CNTN3: variants seen among roughly 807,000 people sequenced by gnomAD.
CNTN3 encodes contactin-3.
CNTN3 carries 60 observed loss-of-function variants against 119.1 expected under a neutral mutation model. The ratio of observed to expected loss-of-function variants is 0.50; its 90% CI spans 0.41 to 0.62. The LOEUF is 0.62. Ranked by LOEUF, CNTN3 falls within the 20% of genes least tolerant of loss-of-function variation. CNTN3 has a pLI of 0.00. For missense variants in CNTN3, 1,101 were observed against 1,242.4 expected (o/e 0.89, Z 1.71); for synonymous variants, 450 against 438.7 (o/e 1.03, Z -0.32).
intron 2 of CNTN3, among the ~76,000 whole-genome samples, chr3:74,500,912 C>T (rs762062371): frequency 6.6e-6 from 1 of 152,026 alleles, no homozygotes; most frequent in African/African-American, 2.4e-5. Flanking sequence ...AAGACAAATG[C>T]TGTGCCTAAG....
At chr3:74,317,968 T>G (rs1101688) in intron 13 of CNTN3, among the ~76,000 whole-genome samples, 152,270 of 152,282 alleles carry the variant, frequency 1, 76,129 homozygotes, top group Non-Finnish European at 1. Context: ...GTCACTTTCA[T>G]GTACACCAAT....
chr3:74,295,811 G>A (rs953937771), intron 18 of CNTN3, among the ~76,000 whole-genome samples: 1 of 152,004 alleles, frequency 6.6e-6, no homozygotes, highest in East Asian at 1.9e-4. Flanking sequence ...AGATTCTATG[G>A]GGTTCACAGT....
At chr3:74,367,040 A>T (rs904616562) in intron 8 of CNTN3, among the ~76,000 whole-genome samples, 10 of 151,092 alleles carry the variant, frequency 6.6e-5, no homozygotes, top group African/African-American at 2.4e-4. Flanking sequence ...TGGACTAAAA[A>T]ATCCTGAAAT....
intron 4 of CNTN3, among the ~76,000 whole-genome samples, chr3:74,463,724 C>T (rs563178250): frequency 2.2e-4 from 33 of 152,150 alleles, no homozygotes; most frequent in African/African-American, 7.2e-4. Context: ...GTTTTGTTCC[C>T]AGGTCAACGT....
intron 20 of CNTN3, among the ~76,000 whole-genome samples, chr3:74,282,614 G>T (rs1363757933): frequency 1.3e-5 from 2 of 152,134 alleles, no homozygotes; most frequent in African/African-American, 4.8e-5. Flanking sequence ...AATCAAAAAT[G>T]TTATTTTTGC....
chr3:74,277,128 G>A (rs1225651035), intron 20 of CNTN3, among the ~76,000 whole-genome samples: 1 of 152,080 alleles, frequency 6.6e-6, no homozygotes, highest in Non-Finnish European at 1.5e-5. Context: ...CAGTGAGACT[G>A]AAATGGTAAT....
chr3:74,399,422 G>C (rs1705135209), intron 5 of CNTN3, among the ~76,000 whole-genome samples: 1 of 152,112 alleles, frequency 6.6e-6, no homozygotes. Context: ...GTGCTAGTTT[G>C]CTAAGGATAA....
chr3:74,518,396 A>C lies in CNTN3; in HGVS notation c.55+2662T>G, dbSNP rs1349063513. 3.3e-5 allele frequency among the ~76,000 whole-genome samples: 5 copies of C among 151,978 alleles called. No individual in the cohort carries two copies. In the East Asian group the frequency reaches 9.7e-4, roughly 29 times the overall value. ...TTTCTGTAAAAACATGGAGGATGTC[A>C]AGATTTATATGCAGGGATCAGTGAC... On this transcript the variant is annotated intron_variant, in intron 2 of 22. Coordinates refer to ENST00000263665, the MANE Select transcript of CNTN3 (RefSeq NM_020872.3).
intron 3 of CNTN3, among the ~76,000 whole-genome samples, chr3:74,490,975 T>C (rs936622428): frequency 6.6e-6 from 1 of 152,202 alleles, no homozygotes; most frequent in African/African-American, 2.4e-5. Context: ...ATAAAATTTC[T>C]CAATATCTTA....
chr3:74,594,690 C>T lies in CNTN3; in HGVS notation c.-81+19701G>A, dbSNP rs1704767936. On this transcript the variant is annotated intron_variant, in intron 1 of 22. Transcript: ENST00000263665. ...ATGTGCCACATTTTCTTAATCCAGTCTATCATTGTTGGACATTTGGGTTGG... is the reference window on the plus strand; with the variant it reads ...ATGTGCCACATTTTCTTAATCCAGTTTATCATTGTTGGACATTTGGGTTGG... Among the ~76,000 whole-genome samples, 12 of 152,178 alleles carry T rather than the reference C, an allele frequency of 7.9e-5. No individual in the cohort carries two copies. The South Asian group carries it at 2.1e-3, about 26-fold the overall frequency.
intron 20 of CNTN3, among the ~76,000 whole-genome samples, chr3:74,274,781 G>A (rs1315948628): frequency 6.6e-6 from 1 of 152,002 alleles, no homozygotes; most frequent in Non-Finnish European, 1.5e-5. Context: ...TAGCTCACCA[G>A]CAATGGATCC....
intron 11 of CNTN3, among the ~76,000 whole-genome samples, chr3:74,338,500 G>C (rs1361730356): frequency 2.0e-5 from 3 of 151,016 alleles, no homozygotes; most frequent in East Asian, 2.0e-4. Context: ...ACGTGCGTGT[G>C]TGTGTGTATA....
At chr3:74,412,447 C>A (rs1333325452) in intron 5 of CNTN3, among the ~76,000 whole-genome samples, 1 of 152,186 alleles carries the variant, frequency 6.6e-6, no homozygotes, top group East Asian at 1.9e-4. Context: ...CTATAATTAG[C>A]TGCTTTAATT....
At chr3:74,568,291 T>C (rs1704257742) in intron 1 of CNTN3, among the ~76,000 whole-genome samples, 1 of 152,216 alleles carries the variant, frequency 6.6e-6, no homozygotes, top group African/African-American at 2.4e-5. Flanking sequence ...TGCACATGAA[T>C]GTCAGCACAT....
chr3:74,392,361 T>C (rs1979589), intron 5 of CNTN3, among the ~76,000 whole-genome samples: 93,709 of 151,912 alleles, frequency 0.62, 29,612 homozygotes, highest in African/African-American at 0.74. Context: ...GCCATTCTTC[T>C]TTACTTTTGT....
rs771934427 is a variant in CNTN3, at chr3:74,371,414, GAA to G, written c.455-17_455-16del. On this transcript the variant is annotated splice_polypyrimidine_tract_variant and intron_variant, in intron 5 of 22. Transcript: ENST00000263665. ...ATATGACAGTTCTAATAAAATTGTT[GAA>G]GAGAGAAAGAAATTCCATCATTAAG... is the stretch of plus-strand genomic sequence containing the variant. 12 of 1,592,456 alleles carry G rather than the reference GAA, an allele frequency of 7.5e-6. No individual in the cohort carries two copies. The East Asian group carries it at 2.5e-4, about 33-fold the overall frequency.
chr3:74,420,210 G>A (rs1701594738), intron 5 of CNTN3, among the ~76,000 whole-genome samples: 1 of 152,146 alleles, frequency 6.6e-6, no homozygotes, highest in African/African-American at 2.4e-5. Flanking sequence ...GGGATTCCTA[G>A]GAAAATTCTT....
intron 1 of CNTN3, among the ~76,000 whole-genome samples, chr3:74,604,232 G>C (rs139607542): frequency 2.3e-4 from 35 of 152,194 alleles, no homozygotes; most frequent in African/African-American, 8.2e-4. Context: ...CAGGGAAAAG[G>C]CTCCATGACA....
chr3:74,270,072 G>A (rs1373919255), intron 20 of CNTN3, among the ~76,000 whole-genome samples: 1 of 152,188 alleles, frequency 6.6e-6, no homozygotes, highest in African/African-American at 2.4e-5. Context: ...CTAGTGAGAA[G>A]TATTATGTGG....
Sources: allele counts gnomAD v4.1 joint callset (sites outside exome capture counted in the v4.1 genomes callset), GRCh38; gene constraint gnomAD v4.1.1; transcripts MANE v1.5; gene names NCBI Gene and HGNC (gene_info 2026-07-23, HGNC 2026-07-21).